EDA: variants seen among roughly 807,000 people sequenced by gnomAD.
EDA encodes the protein ectodysplasin-A.
EDA carries 2 observed loss-of-function variants against 23.6 expected under a neutral mutation model. That is an observed-to-expected ratio of 0.08 (90% CI 0.03 to 0.27). EDA has a LOEUF of 0.27. Among genes scored for constraint, EDA ranks in the 10% least tolerant of loss-of-function variants. EDA has a pLI of 1.00. For synonymous variants in EDA, 131 were observed against 132.0 expected (o/e 0.99, Z 0.05); for missense variants, 229 against 324.2 (o/e 0.71, Z 2.26).
chrX:69,670,817 C>A (rs1933867021), intron 1 of EDA, among the ~76,000 whole-genome samples: 1 of 111,293 alleles, frequency 9.0e-6, no homozygotes, highest in Non-Finnish European at 1.9e-5. Flanking sequence ...ATAAATTATT[C>A]TCCAATTTCA....
intron 1 of EDA, among the ~76,000 whole-genome samples, chrX:69,870,135 A>G (rs1300450492): frequency 9.0e-6 from 1 of 111,367 alleles, no homozygotes; most frequent in Admixed American, 9.5e-5. Flanking sequence ...TTTAATCCAT[A>G]TTTCAGCTAA....
At chrX:69,631,913 G>T (rs1160466175) in intron 1 of EDA, among the ~76,000 whole-genome samples, 2 of 111,536 alleles carry the variant, frequency 1.8e-5, no homozygotes, top group African/African-American at 6.5e-5. Flanking sequence ...TAGTAGAGTG[G>T]AGTAGAGTAG....
At chrX:70,030,831 G>A (rs2020188641) in intron 6 of EDA, among the ~76,000 whole-genome samples, 1 of 112,567 alleles carries the variant, frequency 8.9e-6, no homozygotes, top group South Asian at 3.7e-4. Context: ...TGTGTAGTTA[G>A]ATTAATATTT....
At chrX:69,636,017 A>G (rs1459084859) in intron 1 of EDA, among the ~76,000 whole-genome samples, 1 of 110,196 alleles carries the variant, frequency 9.1e-6, no homozygotes, top group African/African-American at 3.3e-5. Context: ...ATAAAATTCT[A>G]TGCTTACTCC....
At chrX:69,741,671 C>T (rs2013464980) in intron 1 of EDA, among the ~76,000 whole-genome samples, 1 of 111,890 alleles carries the variant, frequency 8.9e-6, no homozygotes. Flanking sequence ...AAATTCAGCA[C>T]CTTTTGTATA....
chrX:69,721,539 C>T (rs1266529028), intron 1 of EDA, among the ~76,000 whole-genome samples: 2 of 111,133 alleles, frequency 1.8e-5, no homozygotes, highest in Non-Finnish European at 3.8e-5. Flanking sequence ...AGAGTACTTC[C>T]CCTGTCTGCT....
chrX:69,941,549 A>G (rs187567908), intron 1 of EDA, among the ~76,000 whole-genome samples: 419 of 111,486 alleles, frequency 3.8e-3, no homozygotes, highest in African/African-American at 0.013. Context: ...TCTCTTTTAT[A>G]GCTTTTGTCT....
At chrX:69,699,582 C>T (rs367973349) in intron 1 of EDA, among the ~76,000 whole-genome samples, 2 of 111,417 alleles carry the variant, frequency 1.8e-5, no homozygotes, top group Admixed American at 9.5e-5. Flanking sequence ...CTGCAGCTGC[C>T]GCTGATGCTT....
intron 6 of EDA, among the ~76,000 whole-genome samples, chrX:70,032,199 C>T (rs961338205): frequency 5.3e-4 from 58 of 108,460 alleles, no homozygotes; most frequent in Non-Finnish European, 1.9e-4. Context: ...GTGGAGGTTG[C>T]AGTGAGCCAA....
intron 2 of EDA, among the ~76,000 whole-genome samples, chrX:69,961,352 A>G (rs1295232056): frequency 8.9e-6 from 1 of 111,836 alleles, no homozygotes; most frequent in East Asian, 2.8e-4. Context: ...AAATTTTTAT[A>G]AACAGTTCAT....
At chrX:69,866,228 T>G (rs955377551) in intron 1 of EDA, among the ~76,000 whole-genome samples, 8 of 111,332 alleles carry the variant, frequency 7.2e-5, no homozygotes, top group Non-Finnish European at 1.5e-4. Flanking sequence ...CAAGGTATGG[T>G]AATGCTAAGA....
chrX:69,890,673 G>A (rs5936790), intron 1 of EDA, among the ~76,000 whole-genome samples: 6,661 of 111,314 alleles, frequency 0.06, 203 homozygotes, highest in Middle Eastern at 0.098. Flanking sequence ...TTTAGTAAGT[G>A]GTGCTGGGAG....
chrX:69,670,015 A>G (rs1011523502), intron 1 of EDA, among the ~76,000 whole-genome samples: 1 of 111,591 alleles, frequency 9.0e-6, no homozygotes, highest in Non-Finnish European at 1.9e-5. Context: ...ATATGTGTTC[A>G]TAATAGTAAT....
At chrX:69,981,078 G>T (rs931297432) in intron 2 of EDA, among the ~76,000 whole-genome samples, 9 of 111,744 alleles carry the variant, frequency 8.1e-5, no homozygotes, top group African/African-American at 2.9e-4. Context: ...TGGTAGAAAA[G>T]CTTAAAGTGA....
At chrX:70,008,889 A>C (rs2019836895) in intron 2 of EDA, among the ~76,000 whole-genome samples, 1 of 111,433 alleles carries the variant, frequency 9.0e-6, no homozygotes, top group African/African-American at 3.3e-5. Flanking sequence ...TAAATTCACC[A>C]GTGAAACCAC....
chrX:69,953,149 C>T (rs2018952612), intron 1 of EDA, among the ~76,000 whole-genome samples: 1 of 111,692 alleles, frequency 9.0e-6, no homozygotes, highest in Admixed American at 9.6e-5. Flanking sequence ...CACTCATTGC[C>T]TGTTTATTCT....
At chrX:69,830,474 T>C (rs1235724037) in intron 1 of EDA, among the ~76,000 whole-genome samples, 1 of 111,862 alleles carries the variant, frequency 8.9e-6, no homozygotes, top group African/African-American at 3.2e-5. Context: ...GCTCCAAGTA[T>C]AGGTAGAAAC....
chrX:69,648,090 G>A (rs1363055288), intron 1 of EDA, among the ~76,000 whole-genome samples: 3 of 111,340 alleles, frequency 2.7e-5, no homozygotes, highest in African/African-American at 9.8e-5. Context: ...TCCCAGGGGG[G>A]TACTGACCTG....
intron 1 of EDA, among the ~76,000 whole-genome samples, chrX:69,665,681 G>C (rs1032638683): frequency 9.0e-6 from 1 of 110,970 alleles, no homozygotes; most frequent in African/African-American, 3.3e-5. Flanking sequence ...TTTTATGCCA[G>C]AACAATACCA....
Sources: allele counts gnomAD v4.1 joint callset (sites outside exome capture counted in the v4.1 genomes callset), GRCh38; gene constraint gnomAD v4.1.1; transcripts MANE v1.5; gene names NCBI Gene and HGNC (gene_info 2026-07-23, HGNC 2026-07-21).